The following WWOX variants were observed in gnomAD, a reference collection of about 807,000 sequenced individuals.
WWOX encodes the protein WW domain-containing oxidoreductase.
Under a neutral mutation model 46.2 loss-of-function variants are expected in WWOX, and 69 were observed. The observed-to-expected ratio is 1.49, with a 90% CI of 1.23 to 1.82. The LOEUF is 1.82. Among genes scored for constraint, WWOX ranks in the 40% most tolerant of loss-of-function variants. The pLI, the probability that WWOX is intolerant of heterozygous loss-of-function variation, is 0.00. For synonymous variants in WWOX, 359 were observed against 202.6 expected, an observed-to-expected ratio of 1.77 and a Z score of -6.56; for missense variants, 919 against 542.6, an observed-to-expected ratio of 1.69 and a Z score of -6.89.
chr16:78,260,808 G>T (rs1463396999), intron 5 of WWOX, among the ~76,000 whole-genome samples: 1 of 146,680 alleles, frequency 6.8e-6, no homozygotes, highest in Admixed American at 6.8e-5. Context: ...GTGTGGTGGC[G>T]TGCCTGTAAT....
At chr16:78,411,473 T>C (rs980129403) in intron 6 of WWOX, among the ~76,000 whole-genome samples, 26 of 152,196 alleles carry the variant, frequency 1.7e-4, no homozygotes, top group African/African-American at 6.3e-4. Context: ...CCAGACTTAA[T>C]CAAGTGAGGG....
rs192342129 is a variant in WWOX at position 78,819,873 on chromosome 16, A to T, written c.1056+387121A>T. 3.0e-4 allele frequency among the ~76,000 whole-genome samples: 45 copies of T among 152,304 alleles called. No individual in the cohort carries two copies. In the East Asian group the frequency reaches 8.1e-3, roughly 27 times the overall value. On this transcript the variant is annotated intron_variant, in intron 8 of 8. Transcript: ENST00000566780. ...ACTTGCACTCAGTCTTCTTTGAGTG[A>T]GACTTGAACTCGATTCTGAGTCTCC...
rs559276411 is a variant in WWOX, at chr16:78,826,219, C to T, written c.1057-385389C>T. Among the ~76,000 whole-genome samples, 10 of 152,230 alleles carry T rather than the reference C, an allele frequency of 6.6e-5. No homozygotes were observed. In the South Asian group the frequency reaches 1.9e-3, roughly 28 times the overall value. On this transcript the variant is annotated intron_variant, in intron 8 of 8. Transcript: ENST00000566780. ...AAAATACAAAGATTAGCCTGGCGTG[C>T]CCTGTAATCACAGCTACTTGGGAGG...
intron 8 of WWOX, among the ~76,000 whole-genome samples, chr16:78,653,608 G>C (rs571376023): frequency 6.6e-6 from 1 of 152,350 alleles, no homozygotes; most frequent in East Asian, 1.9e-4. Flanking sequence ...GCAGTTGCCA[G>C]CTTGGGTTTG....
chr16:79,141,270 A>G (rs2050084140), intron 8 of WWOX, among the ~76,000 whole-genome samples: 1 of 152,108 alleles, frequency 6.6e-6, no homozygotes, highest in East Asian at 1.9e-4. Flanking sequence ...GAGTTGTCCC[A>G]CCTTTCCAGA....
At chr16:78,920,126 A>C (rs1478682676) in intron 8 of WWOX, among the ~76,000 whole-genome samples, 2 of 152,154 alleles carry the variant, frequency 1.3e-5, no homozygotes, top group African/African-American at 4.8e-5. Context: ...TAGGGCCGTC[A>C]AGAGCTGGCT....
In WWOX at chr16:78,741,828, C is replaced by G. The variant is rs191544865; in HGVS notation, c.1056+309076C>G. On this transcript the variant is annotated intron_variant, in intron 8 of 8. Coordinates refer to ENST00000566780, the MANE Select transcript of WWOX (RefSeq NM_016373.4). ...TGAGACTGTGCCACTACACTCCAGC[C>G]TGGGCGGCAGAGTGAGACGCTGTCT... is the stretch of plus-strand genomic sequence containing the variant. Among the ~76,000 whole-genome samples, 55 of 152,374 alleles carry G rather than the reference C, an allele frequency of 3.6e-4. No homozygotes were observed. In the East Asian group the frequency reaches 8.9e-3, roughly 25 times the overall value.
At chr16:79,024,844 A>G (rs1477583559) in intron 8 of WWOX, among the ~76,000 whole-genome samples, 1 of 152,194 alleles carries the variant, frequency 6.6e-6, no homozygotes, top group Non-Finnish European at 1.5e-5. Context: ...TGCTGGGATT[A>G]CAGGCGTGAG....
At position 78,775,545 on chromosome 16, in the gene WWOX, G is replaced by C. The variant is rs373041170; in HGVS notation, c.1056+342793G>C. ...GGTATCAAGGGAGAGTATGGGCTTT[G>C]AAACTGCTCATCCCGTCTACAACCT... is the stretch of plus-strand genomic sequence containing the variant. On this transcript the variant is annotated intron_variant, in intron 8 of 8. Coordinates refer to ENST00000566780, the MANE Select transcript of WWOX (RefSeq NM_016373.4). Among the ~76,000 whole-genome samples, 307 of 152,204 alleles carry C rather than the reference G, an allele frequency of 2.0e-3. 1 individual carries two copies. The highest frequency in any genetic ancestry group is 7.2e-3 in the African/African-American group (299 of 41,540).
At chr16:79,092,452 C>G (rs1470582243) in intron 8 of WWOX, among the ~76,000 whole-genome samples, 5 of 152,096 alleles carry the variant, frequency 3.3e-5, no homozygotes, top group African/African-American at 1.2e-4. Context: ...GATGTGCACC[C>G]TTGCTCATCA....
chr16:79,166,980 C>T (rs1013966467), intron 8 of WWOX, among the ~76,000 whole-genome samples: 19 of 152,052 alleles, frequency 1.2e-4, no homozygotes, highest in African/African-American at 3.4e-4. Flanking sequence ...CTTGCTGTGT[C>T]ATCCAGGCTG....
chr16:79,173,242 G>T (rs79101720), intron 8 of WWOX, among the ~76,000 whole-genome samples: 2 of 152,158 alleles, frequency 1.3e-5, no homozygotes, highest in Admixed American at 6.5e-5. Context: ...CCTCCTGAGG[G>T]GTGTGAGAGT....
intron 5 of WWOX, among the ~76,000 whole-genome samples, chr16:78,216,713 C>T (rs1465237107): frequency 6.6e-6 from 1 of 151,730 alleles, no homozygotes; most frequent in African/African-American, 2.4e-5. Context: ...ACCTAGATAA[C>T]CAGGGTCCTC....
chr16:78,624,602 A>C (rs2046267812), intron 8 of WWOX, among the ~76,000 whole-genome samples: 1 of 152,232 alleles, frequency 6.6e-6, no homozygotes, highest in East Asian at 1.9e-4. Flanking sequence ...CTAACTTGGC[A>C]GAAATTCAGA....
intron 8 of WWOX, among the ~76,000 whole-genome samples, chr16:79,151,874 G>C (rs549156148): frequency 3.0e-4 from 45 of 152,282 alleles, no homozygotes; most frequent in African/African-American, 1.0e-3. Flanking sequence ...TCTTTGACTG[G>C]GGACTTGCCT....
chr16:78,152,783 T>C (rs1164461934), intron 4 of WWOX, among the ~76,000 whole-genome samples: 1 of 152,230 alleles, frequency 6.6e-6, no homozygotes, highest in Non-Finnish European at 1.5e-5. Context: ...GGATTTATTG[T>C]ACAGCTTTAC....
intron 8 of WWOX, among the ~76,000 whole-genome samples, chr16:78,480,406 C>G (rs2066575459): frequency 1.3e-5 from 2 of 152,216 alleles, no homozygotes; most frequent in Admixed American, 1.3e-4. Context: ...TTAAACATCT[C>G]AACACATTTA....
chr16:78,860,572 A>G (rs1567609544), intron 8 of WWOX, among the ~76,000 whole-genome samples: 1 of 152,216 alleles, frequency 6.6e-6, no homozygotes, highest in Non-Finnish European at 1.5e-5. Flanking sequence ...GTGAAAAAGA[A>G]AAGTCCCTAT....
At chr16:78,552,771 C>T (rs936793555) in intron 8 of WWOX, 3 of 152,224 alleles carry the variant, frequency 2.0e-5, no homozygotes, top group African/African-American at 7.2e-5. Flanking sequence ...CATTCATTTT[C>T]CTTTTCTCCT....
Sources: allele counts gnomAD v4.1 joint callset (sites outside exome capture counted in the v4.1 genomes callset), GRCh38; gene constraint gnomAD v4.1.1; transcripts MANE v1.5; gene names NCBI Gene and HGNC (gene_info 2026-07-23, HGNC 2026-07-21).